CDK14: variants seen among roughly 807,000 people sequenced by gnomAD.
CDK14 encodes cyclin-dependent kinase 14.
In CDK14, 34 loss-of-function variants were observed where a neutral mutation model predicts 60.7. The ratio of observed to expected loss-of-function variants is 0.56; its 90% CI spans 0.43 to 0.75. The LOEUF is 0.75. Ranked by LOEUF, CDK14 falls within the 30% of genes least tolerant of loss-of-function variation. The probability of loss-of-function intolerance (pLI) is 0.00; values close to 1 mark genes in which losing one functional copy is unlikely to be tolerated. For missense variants in CDK14, 482 were observed against 564.1 expected (o/e 0.85, Z 1.47); for synonymous variants, 197 against 203.7 (o/e 0.97, Z 0.28).
At position 90,672,502 on chromosome 7, in the gene CDK14, GTTTTTTTTTTTTTTTTTTTT is replaced by G. The variant is rs201978996; in HGVS notation, c.124-54050_124-54031del. 2.6e-4 allele frequency among the ~76,000 whole-genome samples: 13 copies of G among 49,996 alleles called. 1 individual carries two copies. The East Asian group carries it at 6.9e-3, about 27-fold the overall frequency. The allele number at this position is 49,996 out of a possible 152,430, so 32.8% of individuals were successfully genotyped here. On this transcript the variant is annotated intron_variant, in intron 2 of 14. Transcript: ENST00000380050. ...CCTATGCATCAGTGCTTCTTCTTCT[GTTTTTTTTTTTTTTTTTTTT>G]TTTTTTTTTTTTTTAATAATTTGGT...
At chr7:91,074,989 G>A (rs1439525379) in intron 11 of CDK14, among the ~76,000 whole-genome samples, 1 of 152,144 alleles carries the variant, frequency 6.6e-6, no homozygotes, top group Non-Finnish European at 1.5e-5. Flanking sequence ...TGAAATTGGG[G>A]CAGTAATTCG....
At chr7:90,741,131 T>C (rs976700833) in intron 3 of CDK14, among the ~76,000 whole-genome samples, 2 of 152,184 alleles carry the variant, frequency 1.3e-5, no homozygotes, top group African/African-American at 4.8e-5. Context: ...GCTGTGCAGA[T>C]TGAGTACTTG....
chr7:90,899,627 C>A (rs572808509), intron 7 of CDK14, among the ~76,000 whole-genome samples: 1 of 152,112 alleles, frequency 6.6e-6, no homozygotes, highest in South Asian at 2.1e-4. Flanking sequence ...CCACTGGAAT[C>A]CTACTTTTTA....
At chr7:90,982,766 G>A (rs923245210) in intron 9 of CDK14, among the ~76,000 whole-genome samples, 1 of 152,000 alleles carries the variant, frequency 6.6e-6, no homozygotes, top group South Asian at 2.1e-4. Context: ...AGTTCTTTCA[G>A]GGCAGTAGAT....
intron 4 of CDK14, among the ~76,000 whole-genome samples, chr7:90,749,513 T>G (rs62469748): frequency 0.084 from 12,546 of 148,570 alleles, 584 homozygotes; most frequent in South Asian, 0.11. Context: ...GAGACCATGG[T>G]GCAGCTAGGC....
intron 12 of CDK14, among the ~76,000 whole-genome samples, chr7:91,091,334 T>C (rs1292771488): frequency 6.9e-6 from 1 of 144,424 alleles, no homozygotes; most frequent in Non-Finnish European, 1.5e-5. Flanking sequence ...CACATATGTG[T>C]ATACATATAT....
intron 2 of CDK14, among the ~76,000 whole-genome samples, chr7:90,638,627 A>T (rs1342212524): frequency 6.6e-6 from 1 of 152,100 alleles, no homozygotes; most frequent in Admixed American, 6.6e-5. Flanking sequence ...GCTCTTCTCC[A>T]GGAGTATCTT....
intron 14 of CDK14, among the ~76,000 whole-genome samples, chr7:91,185,570 C>T (rs1041035083): frequency 2.6e-5 from 4 of 152,138 alleles, no homozygotes; most frequent in East Asian, 1.9e-4. Flanking sequence ...GTCATTATTA[C>T]ATTCATAAGC....
At chr7:90,972,669 C>T (rs1043619583) in intron 9 of CDK14, among the ~76,000 whole-genome samples, 2 of 152,002 alleles carry the variant, frequency 1.3e-5, no homozygotes, top group African/African-American at 2.4e-5. Context: ...GTATTGCATC[C>T]CTGTGTGTTA....
Position 91,060,302 on chromosome 7 carries a change from G to A in CDK14, c.1105+14342G>A, listed in dbSNP as rs559397009. ...TTTGAGCCTATGTGTGTCTCTGCCC[G>A]TGAGATGGGTTTCCTGAATACAGCA... On this transcript the variant is annotated intron_variant, in intron 11 of 14. Transcript: ENST00000380050. 2.3e-4 allele frequency among the ~76,000 whole-genome samples: 35 copies of A among 151,060 alleles called. No homozygotes were observed. In the South Asian group the frequency reaches 3.6e-3, roughly 15 times the overall value.
chr7:90,604,355 G>A (rs1415017779), intron 2 of CDK14, 106 bp downstream of exon 2: 4 of 568,446 alleles, frequency 7.0e-6, no homozygotes, highest in Admixed American at 8.0e-5. Context: ...CCTTTAAAAC[G>A]CGAGATAACA....
At chr7:90,596,841 G>A in intron 1 of CDK14, 123 bp downstream of exon 1, 2 of 781,948 alleles carry the variant, frequency 2.6e-6, no homozygotes, top group South Asian at 1.6e-5. Flanking sequence ...TTGTAGGCGG[G>A]GATCGAGGGC....
intron 9 of CDK14, among the ~76,000 whole-genome samples, chr7:90,957,841 G>C (rs995761127): frequency 6.6e-6 from 1 of 151,676 alleles, no homozygotes; most frequent in African/African-American, 2.4e-5. Context: ...TCACAGAATT[G>C]GAAAAAACTA....
Position 90,823,077 on chromosome 7 carries a change from T to C in CDK14, c.544+32425T>C, listed in dbSNP as rs752874556. Reference sequence around the variant, plus strand: ...AGTACTAATTAGGAGATAATAGAAATAGAGGAATCATAAAGTTGGCCCTCT... The same window carrying C: ...AGTACTAATTAGGAGATAATAGAAACAGAGGAATCATAAAGTTGGCCCTCT... On this transcript the variant is annotated intron_variant, in intron 5 of 14. Transcript: ENST00000380050. Among the ~76,000 whole-genome samples, 28 of 152,088 alleles carry C rather than the reference T, an allele frequency of 1.8e-4. 1 individual carries two copies. Among genetic ancestry groups the C allele is most frequent in the Middle Eastern group, 3.2e-3 (1 of 316 alleles).
intron 14 of CDK14, among the ~76,000 whole-genome samples, chr7:91,124,414 T>A (rs1799877768): frequency 6.6e-6 from 1 of 152,192 alleles, no homozygotes; most frequent in Non-Finnish European, 1.5e-5. Context: ...GAAGCTCCAT[T>A]ATCTTTAAAT....
At chr7:90,852,239 T>A (rs1161413002) in intron 5 of CDK14, among the ~76,000 whole-genome samples, 3 of 152,148 alleles carry the variant, frequency 2.0e-5, no homozygotes, top group Non-Finnish European at 4.4e-5. Context: ...GTAGTTTCCC[T>A]AGTATCAAGG....
intron 14 of CDK14, among the ~76,000 whole-genome samples, chr7:91,176,256 C>A (rs1089815): frequency 0.9 from 137,204 of 152,246 alleles, 62,337 homozygotes; most frequent in African/African-American, 0.95. Flanking sequence ...GTTCTTTGAA[C>A]GCAACGAGAG....
intron 14 of CDK14, among the ~76,000 whole-genome samples, chr7:91,130,162 C>A (rs1022903722): frequency 2.0e-5 from 3 of 152,040 alleles, no homozygotes; most frequent in Non-Finnish European, 4.4e-5. Flanking sequence ...TTGCTTCAAC[C>A]AAAACAATGT....
At chr7:91,017,842 G>A (rs1299223830) in intron 10 of CDK14, among the ~76,000 whole-genome samples, 1 of 152,114 alleles carries the variant, frequency 6.6e-6, no homozygotes, top group Non-Finnish European at 1.5e-5. Context: ...GGGCCACTAG[G>A]GTACAAATGC....
Sources: gnomAD v4.1 joint callset for allele counts (sites outside exome capture counted in the v4.1 genomes callset) on GRCh38, gnomAD v4.1.1 for gene constraint, MANE v1.5 for transcripts, NCBI Gene and HGNC (gene_info 2026-07-23, HGNC 2026-07-21) for gene names.